OTUD7A: variants seen among roughly 807,000 people sequenced by gnomAD.
OTUD7A encodes the protein OTU deubiquitinase 7A, also known as OTU domain-containing protein 7A.
Under a neutral mutation model 65.7 loss-of-function variants are expected in OTUD7A, and 12 were observed. The ratio of observed to expected loss-of-function variants is 0.18; its 90% confidence interval spans 0.12 to 0.30. The LOEUF is 0.30. OTUD7A is among the 10% of genes least tolerant of loss of function. The pLI, the probability that OTUD7A is intolerant of heterozygous loss-of-function variation, is 1.00. For missense variants in OTUD7A, 1,148 were observed against 1,304.8 expected (o/e 0.88, Z 1.85); for synonymous variants, 641 against 586.3 (o/e 1.09, Z -1.35).
intron 1 of OTUD7A, among the ~76,000 whole-genome samples, chr15:31,753,979 C>G (rs1894737275): frequency 6.6e-6 from 1 of 151,926 alleles, no homozygotes; most frequent in East Asian, 1.9e-4. Flanking sequence ...TACATTCCCA[C>G]CAGCAGTGTA....
intron 3 of OTUD7A, among the ~76,000 whole-genome samples, chr15:31,647,562 T>A (rs1239041013): frequency 2.0e-5 from 3 of 152,206 alleles, no homozygotes; most frequent in Admixed American, 1.3e-4. Context: ...CTATTTTTTT[T>A]AAGTGAAGCC....
chr15:31,693,288 C>T (rs1292412567), intron 1 of OTUD7A, among the ~76,000 whole-genome samples: 6 of 152,256 alleles, frequency 3.9e-5, no homozygotes, highest in Admixed American at 1.3e-4. Flanking sequence ...AAAATATGTC[C>T]GTAATGAATT....
intron 1 of OTUD7A, among the ~76,000 whole-genome samples, chr15:31,750,395 A>G (rs2141383296): frequency 1.1e-5 from 1 of 93,150 alleles, no homozygotes; most frequent in African/African-American, 4.3e-5. Flanking sequence ...GCAACAGAGA[A>G]TCTGACTCAA....
intron 10 of OTUD7A, among the ~76,000 whole-genome samples, chr15:31,493,654 C>T (rs1235685002): frequency 1.3e-5 from 2 of 152,196 alleles, no homozygotes; most frequent in African/African-American, 4.8e-5. Flanking sequence ...GAACAGAAAT[C>T]ATGATGTTTG....
rs59650839 is a variant in OTUD7A at position 31,848,640 on chromosome 15, C to A, written c.-100+21867G>T. Among the ~76,000 whole-genome samples the A allele has an allele frequency of 6.0e-3, 919 of 152,280 alleles. 11 individuals carry two copies. The highest frequency in any genetic ancestry group is 0.021 in the African/African-American group (879 of 41,544). On this transcript the variant is annotated intron_variant, in intron 1 of 12. Transcript: ENST00000307050. The stretch of plus-strand genomic sequence containing the variant: ...TGACTCAGCAGTCATCTCTTGAGAT[C>A]ATGTGCTCTTCCATATCCAATGCTT...
chr15:31,516,397 G>C (rs528397166), intron 8 of OTUD7A, among the ~76,000 whole-genome samples: 1 of 152,298 alleles, frequency 6.6e-6, no homozygotes. Flanking sequence ...AGTGACCCAG[G>C]GGGTGGCGGA....
rs531383575 is a variant in OTUD7A at position 31,500,165 on chromosome 15, G to A, written c.1171+1525C>T. Among the ~76,000 whole-genome samples the A allele has an allele frequency of 2.7e-4, 41 of 152,326 alleles. No homozygotes were observed. The South Asian group carries it at 2.9e-3, about 11-fold the overall frequency. The stretch of plus-strand genomic sequence containing the variant: ...CCCAGGTCCTGAAAAGGCCCTTCTG[G>A]TCTCCCAAGAGGCGGGGTCAGCCCT... On this transcript the variant is annotated intron_variant, in intron 10 of 12. Transcript: ENST00000307050.
rs1473684968 is a variant in OTUD7A at position 31,481,474 on chromosome 15, C to T, written c.*1820G>A. On this transcript the variant is annotated 3_prime_UTR_variant, in exon 13 of 13. Transcript: ENST00000307050. ...TGTTTTCTGAGTAATAAAAGAAACCCCAGTAATATTAGGGACATGGATGTT... is the reference window on the plus strand; with the variant it reads ...TGTTTTCTGAGTAATAAAAGAAACCTCAGTAATATTAGGGACATGGATGTT... 1 of 152,080 alleles carries T rather than the reference C, an allele frequency of 6.6e-6. No homozygotes were observed. Among genetic ancestry groups the T allele is most frequent in the Admixed American group, 6.5e-5 (1 of 15,272 alleles). 9.4% of individuals were successfully genotyped at this position (152,080 alleles called of 1,614,324 possible). A position where few individuals can be genotyped will look rare whatever the true frequency, so the allele number is the denominator to read the frequency against.
intron 1 of OTUD7A, among the ~76,000 whole-genome samples, chr15:31,801,319 G>A (rs1053078858): frequency 2.0e-5 from 3 of 152,210 alleles, no homozygotes; most frequent in East Asian, 1.9e-4. Context: ...GGGGTCTAGC[G>A]GAACACCAGG....
intron 1 of OTUD7A, among the ~76,000 whole-genome samples, chr15:31,844,888 G>T (rs140129020): frequency 3.9e-5 from 6 of 152,232 alleles, no homozygotes; most frequent in Admixed American, 2.0e-4. Context: ...TTACTGCCTC[G>T]GGGACCATTC....
At chr15:31,623,810 C>T (rs1360394078) in intron 3 of OTUD7A, among the ~76,000 whole-genome samples, 1 of 152,214 alleles carries the variant, frequency 6.6e-6, no homozygotes, top group Non-Finnish European at 1.5e-5. Context: ...GAGATGAACC[C>T]GGTACCTCAG....
At chr15:31,747,106 TG>T (rs1482239351) in intron 1 of OTUD7A, among the ~76,000 whole-genome samples, 3 of 152,214 alleles carry the variant, frequency 2.0e-5, no homozygotes, top group Admixed American at 2.0e-4. Flanking sequence ...CCACTTTCTG[TG>T]TATTCTAGAT....
intron 1 of OTUD7A, among the ~76,000 whole-genome samples, chr15:31,763,191 G>A (rs1488122341): frequency 6.6e-6 from 1 of 152,140 alleles, no homozygotes; most frequent in Non-Finnish European, 1.5e-5. Context: ...GCTGAGGCAG[G>A]AGAATCACTT....
At chr15:31,771,563 A>G (rs2140913872) in intron 1 of OTUD7A, among the ~76,000 whole-genome samples, 1 of 151,942 alleles carries the variant, frequency 6.6e-6, no homozygotes, top group South Asian at 2.1e-4. Context: ...CTACTACACC[A>G]CTCTTCTCCA....
At chr15:31,578,711 C>T (rs1181204399) in intron 3 of OTUD7A, among the ~76,000 whole-genome samples, 2 of 152,164 alleles carry the variant, frequency 1.3e-5, no homozygotes, top group Admixed American at 1.3e-4. Context: ...GCCACTACGC[C>T]CAGCTACTTT....
intron 3 of OTUD7A, among the ~76,000 whole-genome samples, chr15:31,598,712 A>C (rs1038457908): frequency 6.6e-6 from 1 of 152,188 alleles, no homozygotes; most frequent in Non-Finnish European, 1.5e-5. Context: ...GGTCTGGCTC[A>C]GTGGGTCCCA....
rs1566893887 is a variant in OTUD7A, at chr15:31,511,711, TATATATGTATATCTATATGTAACAC to T, written c.894-7918_894-7894del. ...TATGTATATCTATATGTAACACACA[TATATATGTATATCTATATGTAACAC>T]ACATATATATGTATATCTATATGTA... On this transcript the variant is annotated intron_variant, in intron 8 of 12. Transcript: ENST00000307050. 2.2e-3 allele frequency among the ~76,000 whole-genome samples: 283 copies of T among 126,680 alleles called. 6 individuals are homozygous for T. Among genetic ancestry groups the T allele is most frequent in the South Asian group, 3.5e-3 (13 of 3,724 alleles). 83.1% of individuals were successfully genotyped at this position (126,680 alleles called of 152,430 possible).
At chr15:31,539,541 T>C (rs772025031) in intron 5 of OTUD7A, among the ~76,000 whole-genome samples, 11 of 152,106 alleles carry the variant, frequency 7.2e-5, no homozygotes, top group Non-Finnish European at 1.3e-4. Context: ...TAAAGAGCCA[T>C]AACAACCAAA....
chr15:31,483,575 G>A lies in OTUD7A; in HGVS notation c.2521C>T (p.Leu841=), dbSNP rs932095636. Residue 841 remains leucine (L), a synonymous_variant, in exon 13 of 13, where the codon CTA becomes TTA. Transcript: ENST00000307050. ...CCCGCCGTCCCCGCCGCGCCCGGTAGGGCCCCGGGCACCGCGCGCGCCAGC... is the reference window on the plus strand; with the variant it reads ...CCCGCCGTCCCCGCCGCGCCCGGTAAGGCCCCGGGCACCGCGCGCGCCAGC... ...ESLARAVPGA[L]PGAAGTAGAA... The A allele has an allele frequency of 2.4e-6, 3 of 1,260,552 alleles. No individual in the cohort carries two copies. Among genetic ancestry groups the A allele is most frequent in the African/African-American group, 1.6e-5 (1 of 62,736 alleles). The allele number at this position is 1,260,552 out of a possible 1,614,324, so 78.1% of individuals were successfully genotyped here.
Sources: gnomAD v4.1 joint callset for allele counts (sites outside exome capture counted in the v4.1 genomes callset) on GRCh38, gnomAD v4.1.1 for gene constraint, MANE v1.5 for transcripts, NCBI Gene and HGNC (gene_info 2026-07-23, HGNC 2026-07-21) for gene names.